Variants in TMEM232 observed in about 807,000 individuals in gnomAD.
The protein encoded by TMEM232 is transmembrane protein 232.
In TMEM232, 80 loss-of-function variants were observed where a neutral mutation model predicts 78.8. The ratio of observed to expected loss-of-function variants is 1.01; its 90% CI spans 0.85 to 1.22. The LOEUF is 1.22. Ranked by LOEUF, TMEM232 falls within the 50% of genes most tolerant of loss-of-function variation. The pLI is 0.00. For missense variants in TMEM232, 881 were observed against 742.2 expected, an observed-to-expected ratio of 1.19 and a Z score of -2.17; for synonymous variants, 297 against 254.3, an observed-to-expected ratio of 1.17 and a Z score of -1.60.
chr5:110,666,951 G>A (rs1163634790), intron 2 of TMEM232: 1 of 223,706 alleles, frequency 4.5e-6, no homozygotes, highest in African/African-American at 2.3e-5. Context: ...AATGCTTCAT[G>A]ATACAGGAGT....
rs147855032 is a variant in TMEM232 at position 110,685,768 on chromosome 5, A to G, written c.-12-18404T>C. Among the ~76,000 whole-genome samples the G allele has an allele frequency of 6.3e-3, 953 of 152,312 alleles. 6 individuals are homozygous for G. Among genetic ancestry groups the G allele is most frequent in the Non-Finnish European group, 0.01 (689 of 68,020 alleles). On this transcript the variant is annotated intron_variant, in intron 1 of 13. Coordinates refer to ENST00000455884, the MANE Select transcript of TMEM232 (RefSeq NM_001039763.4). ...ACCATCTGTCAGTGGGAAAATGGAT[A>G]AACAATTTGTGGTATGTTTATATAA...
At chr5:110,468,305 T>A (rs1762310992) in intron 12 of TMEM232, among the ~76,000 whole-genome samples, 1 of 151,906 alleles carries the variant, frequency 6.6e-6, no homozygotes, top group Non-Finnish European at 1.5e-5. Context: ...ATAATGTTTT[T>A]TTAACATAAA....
intron 11 of TMEM232, among the ~76,000 whole-genome samples, chr5:110,532,149 G>A (rs943814874): frequency 3.3e-5 from 5 of 152,130 alleles, no homozygotes; most frequent in African/African-American, 7.2e-5. Flanking sequence ...CCAAAGAATA[G>A]CCGCAGCCCA....
chr5:110,605,140 CA>C lies in TMEM232; in HGVS notation c.1244del (p.Leu415TrpfsTer15). ...CTGACATTTTTGAAGAGAAATATTC[CA>C]AAAGACTTAAAATACTTGTTTCCTT... is the stretch of plus-strand genomic sequence containing the variant. ...ELKETSILSL[L>X]EYFSSKMSEN... On this transcript the variant is annotated frameshift_variant, in exon 10 of 14. Transcript: ENST00000455884. LOFTEE classifies it high-confidence loss of function. 1 of 1,546,602 alleles carries C rather than the reference CA, an allele frequency of 6.5e-7. No homozygotes were observed. The highest frequency in any genetic ancestry group is 8.7e-7 in the Non-Finnish European group (1 of 1,144,634).
At chr5:110,584,118 G>A (rs114901148) in intron 10 of TMEM232, among the ~76,000 whole-genome samples, 320 of 151,868 alleles carry the variant, frequency 2.1e-3, no homozygotes, top group African/African-American at 6.9e-3. Context: ...AAAATGGAAG[G>A]GCTATATGAT....
rs896206054 is a variant in TMEM232 at position 110,709,686 on chromosome 5, A to G, written c.-13+16941T>C. Among the ~76,000 whole-genome samples the G allele has an allele frequency of 4.6e-5, 7 of 152,114 alleles. 1 individual carries two copies. The highest frequency in any genetic ancestry group is 1.7e-4 in the African/African-American group (7 of 41,444). ...GAAATTTAAAAATTTATTGAAACAAATGTTAATGGAAACACAACATACCAA... is the reference window on the plus strand; with the variant it reads ...GAAATTTAAAAATTTATTGAAACAAGTGTTAATGGAAACACAACATACCAA... On this transcript the variant is annotated intron_variant, in intron 1 of 13. Transcript: ENST00000455884.
chr5:110,654,049 A>T (rs1788694563), intron 2 of TMEM232, among the ~76,000 whole-genome samples: 1 of 152,110 alleles, frequency 6.6e-6, no homozygotes, highest in African/African-American at 2.4e-5. Flanking sequence ...ATGAGAGGAG[A>T]TTCAGGAAAG....
intron 6 of TMEM232, among the ~76,000 whole-genome samples, chr5:110,626,545 C>T (rs560743023): frequency 8.8e-4 from 134 of 152,036 alleles, no homozygotes; most frequent in African/African-American, 3.2e-3. Flanking sequence ...CCTCTCCTTC[C>T]CTTATCCTAC....
At chr5:110,414,974 T>C (rs1756136935), downstream of TMEM232, among the ~76,000 whole-genome samples, 1 of 152,180 alleles carries the variant, frequency 6.6e-6, no homozygotes, top group South Asian at 2.1e-4. Context: ...GCTTCTTTGC[T>C]TCTCTTCTCA....
chr5:110,654,788 T>G (rs914266100), intron 2 of TMEM232, among the ~76,000 whole-genome samples: 2 of 152,210 alleles, frequency 1.3e-5, no homozygotes, highest in African/African-American at 4.8e-5. Flanking sequence ...GAGCATGGAA[T>G]GTTCTTCCAT....
intron 12 of TMEM232, among the ~76,000 whole-genome samples, chr5:110,484,938 C>T (rs1170959145): frequency 6.6e-6 from 1 of 152,008 alleles, no homozygotes; most frequent in Non-Finnish European, 1.5e-5. Flanking sequence ...GTGATACCAT[C>T]TTACTCCTGC....
chr5:110,738,376 A>C (rs1286901915), upstream of TMEM232: 1 of 585,142 alleles, frequency 1.7e-6, no homozygotes, highest in East Asian at 1.3e-4. Context: ...ACAGAAAACT[A>C]TAGTTTCTTT....
At chr5:110,537,864 C>G (rs1772594467) in intron 11 of TMEM232, among the ~76,000 whole-genome samples, 1 of 152,234 alleles carries the variant, frequency 6.6e-6, no homozygotes, top group South Asian at 2.1e-4. Flanking sequence ...CCGTTGCTCT[C>G]TCATGGAGAG....
At chr5:110,479,007 G>A (rs1018727019) in intron 12 of TMEM232, among the ~76,000 whole-genome samples, 6 of 149,944 alleles carry the variant, frequency 4.0e-5, no homozygotes, top group South Asian at 2.1e-4. Flanking sequence ...CTGAGTCTGC[G>A]GTTAGGTCTA....
chr5:110,479,102 A>T (rs1162023489), intron 12 of TMEM232, among the ~76,000 whole-genome samples: 1 of 151,496 alleles, frequency 6.6e-6, no homozygotes, highest in Admixed American at 6.6e-5. Context: ...TAGCTTCGTG[A>T]CTTCCCTTTC....
intron 10 of TMEM232, among the ~76,000 whole-genome samples, chr5:110,583,966 C>CA (rs60079206): frequency 0.089 from 8,836 of 98,902 alleles, 392 homozygotes; most frequent in African/African-American, 0.15. Flanking sequence ...TATCTATTAT[C>CA]AAAAAAAAAA....
intron 12 of TMEM232, among the ~76,000 whole-genome samples, chr5:110,429,627 T>G (rs1757610465): frequency 6.6e-6 from 1 of 151,718 alleles, no homozygotes; most frequent in Non-Finnish European, 1.5e-5. Flanking sequence ...AAAACTAAAA[T>G]AAATAACCAT....
chr5:110,659,198 A>G (rs1789473693), intron 2 of TMEM232, among the ~76,000 whole-genome samples: 1 of 152,060 alleles, frequency 6.6e-6, no homozygotes, highest in Admixed American at 6.6e-5. Flanking sequence ...AATCATAATA[A>G]TTGTAGTGTA....
intron 1 of TMEM232, among the ~76,000 whole-genome samples, chr5:110,710,175 T>C (rs1245749870): frequency 1.3e-5 from 2 of 152,050 alleles, no homozygotes; most frequent in Non-Finnish European, 2.9e-5. Flanking sequence ...GGAAGTAAAT[T>C]GCTAAACACA....
Sources: allele counts gnomAD v4.1 joint callset (sites outside exome capture counted in the v4.1 genomes callset), GRCh38; gene constraint gnomAD v4.1.1; transcripts MANE v1.5; gene names NCBI Gene and HGNC (gene_info 2026-07-23, HGNC 2026-07-21).